UBAC2: variants seen among roughly 807,000 people sequenced by gnomAD.
UBAC2 encodes ubiquitin-associated domain-containing protein 2.
In UBAC2, 26 loss-of-function variants were observed where a neutral mutation model predicts 44.0. The observed-to-expected ratio is 0.59, with a 90% CI of 0.43 to 0.82. The LOEUF is 0.82. Among genes scored for constraint, UBAC2 ranks in the 40% least tolerant of loss-of-function variants. UBAC2 has a pLI of 0.00. For synonymous variants in UBAC2, 155 were observed against 154.3 expected (o/e 1.00, Z -0.04); for missense variants, 329 against 419.4 (o/e 0.78, Z 1.88).
chr13:99,213,923 G>A (rs555430411), intron 1 of UBAC2, among the ~76,000 whole-genome samples: 10 of 152,206 alleles, frequency 6.6e-5, no homozygotes, highest in African/African-American at 1.7e-4. Context: ...AGGTTCAAGC[G>A]ATTCTCCTGT....
At chr13:99,261,901 C>T (rs375004591) in intron 4 of UBAC2, among the ~76,000 whole-genome samples, 1 of 152,208 alleles carries the variant, frequency 6.6e-6, no homozygotes, top group African/African-American at 2.4e-5. Flanking sequence ...CGCAATTTTG[C>T]TGTCTGAGGC....
intron 7 of UBAC2, among the ~76,000 whole-genome samples, chr13:99,349,763 G>A (rs947816789): frequency 1.3e-5 from 2 of 152,150 alleles, no homozygotes; most frequent in Non-Finnish European, 2.9e-5. Flanking sequence ...CCAGGAGTAC[G>A]GGAGGAACAT....
intron 4 of UBAC2, chr13:99,308,956 A>G (rs1394665143): frequency 6.6e-6 from 1 of 152,236 alleles, no homozygotes; most frequent in African/African-American, 2.4e-5. Flanking sequence ...GTACTTGAAG[A>G]AGACACTGTT....
chr13:99,257,064 G>A (rs1175778667), intron 4 of UBAC2, among the ~76,000 whole-genome samples: 4 of 152,066 alleles, frequency 2.6e-5, no homozygotes, highest in African/African-American at 7.2e-5. Flanking sequence ...CACAAGAAAC[G>A]TGCCTGTCTG....
At chr13:99,352,971 G>A (rs974885764) in intron 7 of UBAC2, among the ~76,000 whole-genome samples, 3 of 152,120 alleles carry the variant, frequency 2.0e-5, no homozygotes, top group South Asian at 2.1e-4. Flanking sequence ...CATGTGTCCC[G>A]AGCATCCTCA....
At chr13:99,348,243 G>A (rs2045022247) in intron 7 of UBAC2, among the ~76,000 whole-genome samples, 1 of 152,176 alleles carries the variant, frequency 6.6e-6, no homozygotes, top group Non-Finnish European at 1.5e-5. Flanking sequence ...TAAATAAGAC[G>A]CCGCCTGCGC....
intron 1 of UBAC2, among the ~76,000 whole-genome samples, chr13:99,204,217 A>T (rs1317623179): frequency 2.0e-5 from 3 of 152,190 alleles, no homozygotes; most frequent in Non-Finnish European, 4.4e-5. Context: ...ACTTTTTAAA[A>T]AAGAACGTTT....
chr13:99,217,120 G>A (rs968170514), intron 1 of UBAC2, among the ~76,000 whole-genome samples: 5 of 152,128 alleles, frequency 3.3e-5, no homozygotes, highest in East Asian at 3.9e-4. Context: ...CGTGAGCCAC[G>A]GCGCCTGGCC....
intron 4 of UBAC2, among the ~76,000 whole-genome samples, chr13:99,250,799 T>C (rs886987254): frequency 2.0e-5 from 3 of 151,922 alleles, no homozygotes; most frequent in Admixed American, 2.0e-4. Flanking sequence ...CAGGCTGGAG[T>C]GAAGTGGTGT....
At chr13:99,263,292 G>A (rs999854729) in intron 4 of UBAC2, among the ~76,000 whole-genome samples, 2 of 152,140 alleles carry the variant, frequency 1.3e-5, no homozygotes, top group African/African-American at 2.4e-5. Flanking sequence ...CTGGATCCTG[G>A]CAGCTCGTAC....
intron 6 of UBAC2, among the ~76,000 whole-genome samples, chr13:99,319,450 G>A (rs2044540296): frequency 6.6e-6 from 1 of 152,074 alleles, no homozygotes; most frequent in Non-Finnish European, 1.5e-5. Flanking sequence ...CTGGTATTTG[G>A]GGCTAGTGTG....
chr13:99,260,540 C>G (rs535944182), intron 4 of UBAC2, among the ~76,000 whole-genome samples: 13 of 152,278 alleles, frequency 8.5e-5, no homozygotes, highest in Non-Finnish European at 1.5e-4. Context: ...ACCCATGAGC[C>G]CTATAGCATT....
chr13:99,242,390 C>A (rs112002792), intron 2 of UBAC2, among the ~76,000 whole-genome samples: 2 of 136,350 alleles, frequency 1.5e-5, no homozygotes, highest in African/African-American at 5.5e-5. Flanking sequence ...CTCCTCACTT[C>A]CCAGTAGGGG....
chr13:99,360,910 C>T (rs1321750275), intron 7 of UBAC2, among the ~76,000 whole-genome samples: 1 of 152,176 alleles, frequency 6.6e-6, no homozygotes, highest in Non-Finnish European at 1.5e-5. Flanking sequence ...GATGAGACCG[C>T]GTGCCTGGCT....
intron 1 of UBAC2, among the ~76,000 whole-genome samples, chr13:99,233,941 T>G (rs977139775): frequency 6.6e-6 from 1 of 152,118 alleles, no homozygotes; most frequent in African/African-American, 2.4e-5. Flanking sequence ...ACTAGTCTTT[T>G]GATACTATGA....
rs949351941 is a variant in UBAC2, at chr13:99,295,773, G to T, written c.390-18324G>T. 1 of 1,613,990 alleles carries T rather than the reference G, an allele frequency of 6.2e-7. No homozygotes were observed. Among genetic ancestry groups the T allele is most frequent in the Non-Finnish European group, 8.5e-7 (1 of 1,179,928 alleles). The stretch of plus-strand genomic sequence containing the variant: ...ACAGCAATGAAGCGGTCAATACTCA[G>T]GCAGGTCATAAAGTTCACACCTGCA... On this transcript the variant is annotated intron_variant, in intron 4 of 8. Coordinates refer to ENST00000403766, the MANE Select transcript of UBAC2 (RefSeq NM_001144072.2). This position sits in a 1 kb window ranked among gnomAD's most constrained non-coding sequence, Gnocchi z 4.1.
At chr13:99,250,517 C>CT (rs1029629233) in intron 4 of UBAC2, among the ~76,000 whole-genome samples, 5 of 151,760 alleles carry the variant, frequency 3.3e-5, no homozygotes, top group Admixed American at 1.3e-4. Flanking sequence ...TTTTCCTTTT[C>CT]TTTTTTTTCC....
intron 4 of UBAC2, among the ~76,000 whole-genome samples, chr13:99,250,611 G>T (rs1252026722): frequency 6.6e-6 from 1 of 152,040 alleles, no homozygotes; most frequent in Non-Finnish European, 1.5e-5. Flanking sequence ...TGTGAAAAAT[G>T]ACATTGTGGT....
intron 4 of UBAC2, among the ~76,000 whole-genome samples, chr13:99,272,409 C>T (rs1005963823): frequency 2.0e-5 from 3 of 152,204 alleles, no homozygotes; most frequent in Non-Finnish European, 4.4e-5. Context: ...AAGCCATTCT[C>T]ATGGGCCTGT....
Sources: gnomAD v4.1 joint callset for allele counts (sites outside exome capture counted in the v4.1 genomes callset) on GRCh38, gnomAD v4.1.1 for gene constraint, Gnocchi (gnomAD v3.1) non-coding constraint, MANE v1.5 for transcripts, NCBI Gene and HGNC (gene_info 2026-07-23, HGNC 2026-07-21) for gene names.